Variants in LIPI observed in about 807,000 individuals in gnomAD.
The protein encoded by LIPI is lipase member I.
Under a neutral mutation model 50.6 loss-of-function variants are expected in LIPI, and 59 were observed. The observed-to-expected ratio is 1.16, with a 90% CI of 0.94 to 1.45. The LOEUF (loss-of-function observed/expected upper bound fraction) is 1.45, where lower values mean the gene tolerates loss of function less well. Ranked by LOEUF, LIPI falls within the 40% of genes most tolerant of loss-of-function variation. LIPI has a pLI of 0.00. For missense variants in LIPI, 586 were observed against 536.3 expected, an observed-to-expected ratio of 1.09 and a Z score of -0.92; for synonymous variants, 203 against 178.2, an observed-to-expected ratio of 1.14 and a Z score of -1.11.
At chr21:14,183,612 C>A (rs1030740483) in intron 3 of LIPI, among the ~76,000 whole-genome samples, 4 of 152,080 alleles carry the variant, frequency 2.6e-5, no homozygotes, top group Non-Finnish European at 5.9e-5. Flanking sequence ...CTACAATGAA[C>A]TCAAACAAAT....
intron 9 of LIPI, among the ~76,000 whole-genome samples, chr21:14,127,050 C>T (rs2122974672): frequency 6.6e-6 from 1 of 152,286 alleles, no homozygotes; most frequent in East Asian, 1.9e-4. Context: ...CATCTGAAGT[C>T]ACCTCTGTCG....
At chr21:14,170,600 C>T (rs1442502490) in intron 4 of LIPI, among the ~76,000 whole-genome samples, 1 of 152,136 alleles carries the variant, frequency 6.6e-6, no homozygotes, top group Non-Finnish European at 1.5e-5. Flanking sequence ...AGAAACAGAA[C>T]CAAAGACAAA....
chr21:14,189,248 T>C lies in LIPI; in HGVS notation c.218A>G (p.Gln73Arg), dbSNP rs761238102. The change falls in exon 2 of 10, where the codon CAA (glutamine) becomes CGA (arginine). Residue 73 changes from glutamine (Q) to arginine (R), a missense_variant. Transcript: ENST00000681601. ...NNSLNVNFNT[Q>R]KKTVWLIHGY... ...GTGAATAAGCCAGACTGTTTTCTTTTGTGTGTTGAAATTAACATTAAGTGA... is the reference window on the plus strand; with the variant it reads ...GTGAATAAGCCAGACTGTTTTCTTTCGTGTGTTGAAATTAACATTAAGTGA... The C allele has an allele frequency of 5.9e-5, 96 of 1,613,964 alleles. No individual in the cohort carries two copies. Among genetic ancestry groups the C allele is most frequent in the Middle Eastern group, 4.9e-4 (3 of 6,080 alleles).
chr21:14,187,557 T>C (rs990292116), intron 2 of LIPI, among the ~76,000 whole-genome samples: 7 of 152,198 alleles, frequency 4.6e-5, no homozygotes, highest in Non-Finnish European at 1.0e-4. Context: ...TTCCTAAATA[T>C]TTCTATTTAA....
chr21:14,152,644 A>G lies in LIPI; in HGVS notation c.1047T>C (p.Thr349=). ...TAAATGAAAACGAGCCATCCATCAT[A>G]GTTTTATCTGGAACAATTATACTGA... ...FVLSIIVPDK[T]MMDGSFSFKL... Residue 349 remains threonine, a synonymous_variant, in exon 8 of 10, where the codon ACT becomes ACC. Coordinates refer to ENST00000681601, the MANE Select transcript of LIPI (RefSeq NM_001302998.2). 6.4e-7 allele frequency: 1 copy of G among 1,573,006 alleles called. No homozygotes were observed. Among genetic ancestry groups the G allele is most frequent in the Non-Finnish European group, 8.7e-7 (1 of 1,144,038 alleles).
rs147161045 is a variant in LIPI, at chr21:14,166,236, C to T, written c.733+126G>A. ...ATTAAACCATTGTTAACCAATGACT[C>T]TCCTGAGTCATGGGCAATGATGATG... On this transcript the variant is annotated intron_variant, in intron 5 of 9. Transcript: ENST00000681601. The T allele has an allele frequency of 5.6e-5, 40 of 715,224 alleles. No individual in the cohort carries two copies. In the African/African-American group the frequency reaches 6.4e-4, roughly 11 times the overall value. The allele number at this position is 715,224 out of a possible 1,614,324, so 44.3% of individuals were successfully genotyped here.
intron 9 of LIPI, among the ~76,000 whole-genome samples, chr21:14,114,894 C>T (rs1247988428): frequency 6.6e-6 from 1 of 152,138 alleles, no homozygotes; most frequent in Non-Finnish European, 1.5e-5. Context: ...AGTAGATTAT[C>T]TTTGGGGCAA....
intron 2 of LIPI, among the ~76,000 whole-genome samples, chr21:14,188,508 C>A (rs976369780): frequency 7.5e-6 from 1 of 132,500 alleles, no homozygotes; most frequent in Non-Finnish European, 1.5e-5. Context: ...GTGCAGGCTG[C>A]AGTGAGCCAA....
At chr21:14,161,755 T>G (rs2018492344) in intron 7 of LIPI, among the ~76,000 whole-genome samples, 1 of 65,016 alleles carries the variant, frequency 1.5e-5, no homozygotes, top group Admixed American at 2.6e-4. Flanking sequence ...TAATATATAA[T>G]ATATACATTA....
chr21:14,169,564 CAAA>C (rs1013588247), intron 4 of LIPI, among the ~76,000 whole-genome samples: 2 of 152,242 alleles, frequency 1.3e-5, no homozygotes, highest in African/African-American at 4.8e-5. Context: ...GAAACTCACT[CAAA>C]ACCGTTCAAC....
intron 4 of LIPI, among the ~76,000 whole-genome samples, chr21:14,176,046 T>A (rs192652238): frequency 6.6e-6 from 1 of 151,574 alleles, no homozygotes; most frequent in Non-Finnish European, 1.5e-5. Context: ...GGCCTGGTGG[T>A]GGGCGCCTGT....
At chr21:14,166,549 T>C in intron 4 of LIPI, 98 bp from the exon 5 acceptor site, 1 of 730,938 alleles carries the variant, frequency 1.4e-6, no homozygotes. Context: ...AAAGTTACTC[T>C]TTAAATATTA....
chr21:14,140,097 A>T (rs1241915386), intron 9 of LIPI, among the ~76,000 whole-genome samples: 1 of 152,096 alleles, frequency 6.6e-6, no homozygotes, highest in Non-Finnish European at 1.5e-5. Context: ...GTCACTCTGG[A>T]CAACAAATTA....
At chr21:14,155,328 C>T (rs2018236169) in intron 7 of LIPI, among the ~76,000 whole-genome samples, 1 of 151,686 alleles carries the variant, frequency 6.6e-6, no homozygotes, top group Admixed American at 6.6e-5. Flanking sequence ...TGAACAAAGC[C>T]TCAGGGATCT....
intron 1 of LIPI, among the ~76,000 whole-genome samples, chr21:14,205,926 A>G (rs1167893936): frequency 2.6e-5 from 4 of 152,162 alleles, no homozygotes; most frequent in Admixed American, 6.6e-5. Context: ...GGTACATAAT[A>G]TAGAATTTTA....
chr21:14,114,213 T>A (rs2016531362), intron 9 of LIPI, among the ~76,000 whole-genome samples: 1 of 150,660 alleles, frequency 6.6e-6, no homozygotes, highest in African/African-American at 2.4e-5. Context: ...TCATGGGAAC[T>A]AACTATCACA....
chr21:14,117,519 C>G (rs1405252744), intron 9 of LIPI, among the ~76,000 whole-genome samples: 1 of 152,196 alleles, frequency 6.6e-6, no homozygotes, highest in Non-Finnish European at 1.5e-5. Context: ...GGCTGCTAAA[C>G]TTTCTGAGAT....
At position 14,170,401 on chromosome 21, in the gene LIPI, GAC is replaced by G. The variant is rs373450661; in HGVS notation, c.644-3952_644-3951del. 8.9e-3 allele frequency among the ~76,000 whole-genome samples: 1,352 copies of G among 152,118 alleles called. 27 individuals are homozygous for G. Among genetic ancestry groups the G allele is most frequent in the South Asian group, 0.076 (364 of 4,814 alleles). On this transcript the variant is annotated intron_variant, in intron 4 of 9. Coordinates refer to ENST00000681601, the MANE Select transcript of LIPI (RefSeq NM_001302998.2). ...CATCCTGATACCAAAGCCTGGCAGAGACACAACAAAAAAAGAGAATTTTAGAC... is the reference window on the plus strand; with the variant it reads ...CATCCTGATACCAAAGCCTGGCAGAGACAACAAAAAAAGAGAATTTTAGAC...
chr21:14,144,473 T>C, intron 9 of LIPI, 150 bp downstream of exon 9: 1 of 476,326 alleles, frequency 2.1e-6, no homozygotes, highest in Non-Finnish European at 3.8e-6. Context: ...CCTTTATACC[T>C]TTTTGAGATT....
Sources: gnomAD v4.1 joint callset for allele counts (sites outside exome capture counted in the v4.1 genomes callset) on GRCh38, gnomAD v4.1.1 for gene constraint, MANE v1.5 for transcripts, NCBI Gene and HGNC (gene_info 2026-07-23, HGNC 2026-07-21) for gene names.